The following PCDHA8 variants were observed in gnomAD, a reference collection of about 807,000 sequenced individuals.
PCDHA8 encodes the protein protocadherin alpha-8.
A neutral mutation model predicts 61.8 loss-of-function variants in PCDHA8; 53 were observed. The observed-to-expected ratio is 0.86, with a 90% CI of 0.69 to 1.08. PCDHA8 has a LOEUF of 1.08. Ranked by LOEUF, PCDHA8 falls within the 50% of genes least tolerant of loss-of-function variation. The probability of loss-of-function intolerance (pLI) is 0.00; values close to 1 mark genes in which losing one functional copy is unlikely to be tolerated. For missense variants in PCDHA8, 1,293 were observed against 1,245.0 expected, an observed-to-expected ratio of 1.04 and a Z score of -0.58; for synonymous variants, 618 against 556.6, an observed-to-expected ratio of 1.11 and a Z score of -1.55.
At chr5:140,927,795 G>A (rs781829757) in intron 1 of PCDHA8, 39 of 1,614,144 alleles carry the variant, frequency 2.4e-5, no homozygotes, top group Non-Finnish European at 3.2e-5. Context: ...CACTAGGTCC[G>A]CCTGAAACGC....
At chr5:140,923,104 A>AT (rs2081172107) in intron 1 of PCDHA8, among the ~76,000 whole-genome samples, 1 of 152,194 alleles carries the variant, frequency 6.6e-6, no homozygotes, top group Admixed American at 6.5e-5. Context: ...TGGGAGTATG[A>AT]TTTTAAGTTT....
At chr5:140,952,058 T>C (rs889374877) in intron 1 of PCDHA8, among the ~76,000 whole-genome samples, 1 of 152,096 alleles carries the variant, frequency 6.6e-6, no homozygotes, top group African/African-American at 2.4e-5. Flanking sequence ...ATCTTAAAGC[T>C]CCAAATAATC....
At chr5:140,858,251 C>A in intron 1 of PCDHA8, 1 of 1,596,688 alleles carries the variant, frequency 6.3e-7, no homozygotes, top group East Asian at 2.2e-5. Context: ...GCCGGTGAAG[C>A]CCACGCTGGT....
rs141467715 is a variant in PCDHA8 at position 140,882,439 on chromosome 5, G to A, written c.2394+38724G>A. 19 of 1,613,928 alleles carry A rather than the reference G, an allele frequency of 1.2e-5. No individual in the cohort carries two copies. The African/African-American group carries it at 1.5e-4, about 12-fold the overall frequency. ...CTCAGGACCTGGGGCTGGAGCTGGC[G>A]GAGCTGGTGCCGCGCCTGTTCCGGG... is the stretch of plus-strand genomic sequence containing the variant. On this transcript the variant is annotated intron_variant, in intron 1 of 3. Transcript: ENST00000531613.
chr5:140,867,119 A>C (rs2049767402), intron 1 of PCDHA8: 1 of 152,142 alleles, frequency 6.6e-6, no homozygotes, highest in Admixed American at 6.5e-5. Context: ...ATATTGTTTT[A>C]ATTCAAATAT....
intron 1 of PCDHA8, among the ~76,000 whole-genome samples, chr5:140,952,816 C>T (rs2094802630): frequency 6.6e-6 from 1 of 152,134 alleles, no homozygotes; most frequent in South Asian, 2.1e-4. Context: ...GCAGGCTGTA[C>T]AGGAAGCATG....
chr5:140,919,867 G>A (rs2079334985), intron 1 of PCDHA8, among the ~76,000 whole-genome samples: 1 of 152,178 alleles, frequency 6.6e-6, no homozygotes, highest in Non-Finnish European at 1.5e-5. Context: ...TTGGAAATAA[G>A]TCTTTGAAGA....
chr5:140,870,581 T>C, intron 1 of PCDHA8: 1 of 1,613,826 alleles, frequency 6.2e-7, no homozygotes, highest in Non-Finnish European at 8.5e-7. Context: ...TCCTACTCGC[T>C]GGTGGAGCGG....
chr5:140,930,037 GC>G (rs2086548182), intron 1 of PCDHA8: 6 of 152,140 alleles, frequency 3.9e-5, no homozygotes, highest in African/African-American at 1.4e-4. Flanking sequence ...TTTTGTAACT[GC>G]TTTGGAGTTT....
intron 1 of PCDHA8, chr5:140,968,774 C>G: frequency 6.2e-7 from 1 of 1,614,206 alleles, no homozygotes; most frequent in Non-Finnish European, 8.5e-7. Flanking sequence ...AGAGCCATCA[C>G]TATCAGCCTC....
chr5:140,965,690 T>G (rs1203632136), intron 1 of PCDHA8, among the ~76,000 whole-genome samples: 2 of 152,172 alleles, frequency 1.3e-5, no homozygotes, highest in Admixed American at 1.3e-4. Context: ...TGAAGCAAGA[T>G]TAGAAAAAGC....
intron 1 of PCDHA8, chr5:140,969,174 G>A (rs777458792): frequency 6.2e-7 from 1 of 1,614,076 alleles, no homozygotes; most frequent in South Asian, 1.1e-5. Flanking sequence ...GGCTCAGGGA[G>A]TGACACTTTC....
chr5:140,990,280 G>C (rs1224210562), intron 3 of PCDHA8, among the ~76,000 whole-genome samples: 1 of 152,264 alleles, frequency 6.6e-6, no homozygotes, highest in African/African-American at 2.4e-5. Context: ...CCCGGGTCTT[G>C]AGATTATCGA....
chr5:141,005,701 CAAAAAAAAAAAAAAAA>C (rs59860837), intron 3 of PCDHA8, among the ~76,000 whole-genome samples: 5 of 7,786 alleles, frequency 6.4e-4, no homozygotes, highest in African/African-American at 1.9e-3. Context: ...AACTCCGTCT[CAAAAAAAAAAAAAAAA>C]AAAAAAAAAA....
rs1299292999 is a variant in PCDHA8, at chr5:140,940,635, T to G, written c.2395-38314T>G. Among the ~76,000 whole-genome samples the G allele has an allele frequency of 5.3e-5, 8 of 152,214 alleles. 1 individual carries two copies. The highest frequency in any genetic ancestry group is 5.2e-4 in the Admixed American group (8 of 15,286). On this transcript the variant is annotated intron_variant, in intron 1 of 3. Coordinates refer to ENST00000531613, the MANE Select transcript of PCDHA8 (RefSeq NM_018911.3). ...GCTCCTGCAAATATTCTTAAGCTTG[T>G]CATTTATTTATTTAAATATATTAAA...
intron 1 of PCDHA8, chr5:140,848,650 T>C (rs1343958164): frequency 6.3e-6 from 10 of 1,592,776 alleles, no homozygotes; most frequent in Non-Finnish European, 8.6e-6. Flanking sequence ...GCGCAGGACC[T>C]GGGGCTGGAG....
intron 1 of PCDHA8, chr5:140,867,619 C>G (rs1554161426): frequency 6.6e-6 from 1 of 152,174 alleles, no homozygotes; most frequent in African/African-American, 2.4e-5. Context: ...AACTATAGAA[C>G]AAAATATTTA....
At chr5:140,871,523 G>T in intron 1 of PCDHA8, 1 of 1,546,536 alleles carries the variant, frequency 6.5e-7, no homozygotes, top group Non-Finnish European at 8.7e-7. Context: ...CCACCTATCA[G>T]GAAGTGTATG....
chr5:140,870,944 C>A (rs1554164906), intron 1 of PCDHA8: 1 of 1,613,540 alleles, frequency 6.2e-7, no homozygotes, highest in Admixed American at 1.7e-5. Context: ...CAGCCGGCGG[C>A]GGGCGGCTCG....
Sources: gnomAD v4.1 joint callset for allele counts (sites outside exome capture counted in the v4.1 genomes callset) on GRCh38, gnomAD v4.1.1 for gene constraint, MANE v1.5 for transcripts, NCBI Gene and HGNC (gene_info 2026-07-23, HGNC 2026-07-21) for gene names.